Variants in ZNF808 observed in about 807,000 individuals in gnomAD.
ZNF808 encodes zinc finger protein 808.
Under a neutral mutation model 8.7 loss-of-function variants are expected in ZNF808, and 5 were observed. The ratio of observed to expected loss-of-function variants is 0.58; its 90% CI spans 0.30 to 1.21. The LOEUF is 1.21. Ranked by LOEUF, ZNF808 falls within the 50% of genes most tolerant of loss-of-function variation. The probability of loss-of-function intolerance (pLI) is 0.07; values close to 1 mark genes in which losing one functional copy is unlikely to be tolerated. For missense variants in ZNF808, 1,103 were observed against 1,098.4 expected (o/e 1.00, Z -0.06); for synonymous variants, 380 against 366.0 (o/e 1.04, Z -0.44).
At chr19:52,540,466 C>G (rs1363808029) in intron 2 of ZNF808, among the ~76,000 whole-genome samples, 1 of 152,178 alleles carries the variant, frequency 6.6e-6, no homozygotes, top group Non-Finnish European at 1.5e-5. Context: ...TATCATATAT[C>G]GAAAACATTT....
intron 2 of ZNF808, among the ~76,000 whole-genome samples, chr19:52,542,966 G>GT (rs2059686248): frequency 1.3e-5 from 2 of 151,472 alleles, no homozygotes; most frequent in South Asian, 4.2e-4. Flanking sequence ...TTTGGGGGGG[G>GT]GGTGGAGGCT....
chr19:52,565,737 A>G (rs938255562), downstream of ZNF808, among the ~76,000 whole-genome samples: 1 of 152,226 alleles, frequency 6.6e-6, no homozygotes, highest in Non-Finnish European at 1.5e-5. Context: ...AGACTCAAAC[A>G]ATGTGATCAT....
intron 2 of ZNF808, among the ~76,000 whole-genome samples, chr19:52,540,991 A>G (rs192096444): frequency 3.1e-3 from 475 of 152,154 alleles, no homozygotes; most frequent in Non-Finnish European, 4.8e-3. Flanking sequence ...TCGCTCTGTC[A>G]CCCAGGCTGG....
intron 1 of ZNF808, among the ~76,000 whole-genome samples, chr19:52,532,558 A>G (rs1053518130): frequency 6.6e-6 from 1 of 152,208 alleles, no homozygotes; most frequent in Non-Finnish European, 1.5e-5. Flanking sequence ...TTGTGTAAAT[A>G]TGAAGGATCT....
At chr19:52,530,047 G>T (rs190855605) in intron 1 of ZNF808, among the ~76,000 whole-genome samples, 2 of 151,782 alleles carry the variant, frequency 1.3e-5, no homozygotes, top group Admixed American at 6.6e-5. Flanking sequence ...GGCCCACCGC[G>T]TCTGGCCTAC....
downstream of ZNF808, among the ~76,000 whole-genome samples, chr19:52,564,999 T>C (rs2059869628): frequency 6.6e-6 from 1 of 152,062 alleles, no homozygotes. Context: ...GCAGGGAGAA[T>C]GGCGTGAACC....
chr19:52,528,328 C>A (rs767873546), intron 1 of ZNF808, among the ~76,000 whole-genome samples: 1 of 152,206 alleles, frequency 6.6e-6, no homozygotes, highest in Admixed American at 6.5e-5. Flanking sequence ...ACGCGCTCCT[C>A]CGGGATGCAG....
At chr19:52,538,952 G>A (rs1380462226) in intron 2 of ZNF808, among the ~76,000 whole-genome samples, 1 of 151,956 alleles carries the variant, frequency 6.6e-6, no homozygotes, top group South Asian at 2.1e-4. Flanking sequence ...TAATGATGGC[G>A]TCAGAGGCAG....
Position 52,547,768 on chromosome 19 carries a change from G to A in ZNF808, c.190+130G>A, listed in dbSNP as rs112009804. On this transcript the variant is annotated intron_variant, in intron 4 of 4. Coordinates refer to ENST00000359798, the MANE Select transcript of ZNF808 (RefSeq NM_001039886.4). ...TTTTTTTTTTTTTTTTTGACATGGA[G>A]TTTTGCTCTTGTTTCCCAGGCTGGA... is the stretch of plus-strand genomic sequence containing the variant. 8.5e-5 allele frequency: 123 copies of A among 1,447,840 alleles called. No homozygotes were observed. In the African/African-American group the frequency reaches 1.3e-3, roughly 15 times the overall value. The allele number at this position is 1,447,840 out of a possible 1,614,324, so 89.7% of individuals were successfully genotyped here.
In ZNF808 at chr19:52,554,062, T is replaced by A; in HGVS notation, c.1146T>A (p.Cys382Ter). Residue 382 changes from cysteine (C) to a stop codon, truncating the protein, a stop_gained, in exon 5 of 5, where the codon TGT (cysteine) becomes TGA (stop). Coordinates refer to ENST00000359798, the MANE Select transcript of ZNF808 (RefSeq NM_001039886.4). LOFTEE classifies it low-confidence loss of function (END_TRUNC). ...AGATTTGTGAGAAGGCTTTTGCGTG[T>A]CATTCCTATCTGGCAAACCATACTA... Reference protein sequence around the residue: ...KCKICEKAFACHSYLANHTRI... With the variant: ...KCKICEKAFA The A allele has an allele frequency of 6.2e-7, 1 of 1,614,066 alleles. No individual in the cohort carries two copies. The highest frequency in any genetic ancestry group is 8.5e-7 in the Non-Finnish European group (1 of 1,179,978).
chr19:52,549,210 C>T (rs2059751935), intron 4 of ZNF808, among the ~76,000 whole-genome samples: 1 of 152,062 alleles, frequency 6.6e-6, no homozygotes. Flanking sequence ...GAACTCCTGA[C>T]CTCCTGATGC....
chr19:52,528,791 CAG>C (rs1196383593), intron 1 of ZNF808, among the ~76,000 whole-genome samples: 1 of 151,946 alleles, frequency 6.6e-6, no homozygotes, highest in East Asian at 1.9e-4. Context: ...GAGAATTTAA[CAG>C]GGAGAGCAGA....
chr19:52,554,238 C>T lies in ZNF808; in HGVS notation c.1322C>T (p.Thr441Ile). ...ECDKVFSQKS[T>I]LERHKRIHTG... Reference sequence around the variant, plus strand: ...GACAAAGTTTTCAGTCAGAAATCAACCCTTGAGAGACATAAGAGAATTCAT... The same window carrying T: ...GACAAAGTTTTCAGTCAGAAATCAATCCTTGAGAGACATAAGAGAATTCAT... Residue 441 changes from threonine (T) to isoleucine (I), a missense_variant, in exon 5 of 5, where the codon ACC (threonine) becomes ATC (isoleucine). Thr to Ile is a moderately conservative substitution (Grantham distance 89, BLOSUM62 -1). Transcript: ENST00000359798. 1.9e-6 allele frequency: 3 copies of T among 1,613,578 alleles called. No homozygotes were observed. The highest frequency in any genetic ancestry group is 2.5e-6 in the Non-Finnish European group (3 of 1,179,682).
At chr19:52,556,459 T>G (rs1274500278), downstream of ZNF808, 1 of 153,052 alleles carries the variant, frequency 6.5e-6, no homozygotes, top group Non-Finnish European at 1.5e-5. Flanking sequence ...CCCTAGTTGC[T>G]GGGATTACAG....
downstream of ZNF808, among the ~76,000 whole-genome samples, chr19:52,566,898 T>C (rs189624662): frequency 6.6e-6 from 1 of 151,760 alleles, no homozygotes; most frequent in Admixed American, 6.6e-5. Flanking sequence ...AATGTATGCT[T>C]CTAAGCTAAT....
intron 1 of ZNF808, among the ~76,000 whole-genome samples, chr19:52,528,785 A>AT (rs2059534377): frequency 6.6e-6 from 1 of 151,988 alleles, no homozygotes; most frequent in Non-Finnish European, 1.5e-5. Context: ...GGAAGAGAGA[A>AT]TTTAACAGGG....
At chr19:52,548,505 C>T (rs1447738379) in intron 4 of ZNF808, among the ~76,000 whole-genome samples, 2 of 152,094 alleles carry the variant, frequency 1.3e-5, no homozygotes, top group Non-Finnish European at 2.9e-5. Flanking sequence ...TCACCACAAC[C>T]TCCACCTTTT....
intron 4 of ZNF808, among the ~76,000 whole-genome samples, chr19:52,548,604 A>G (rs1239849369): frequency 1.3e-5 from 2 of 152,000 alleles, no homozygotes; most frequent in Non-Finnish European, 2.9e-5. Flanking sequence ...TGGTGGTTCT[A>G]TTACAGATGG....
In ZNF808 at chr19:52,555,181, A is replaced by G. The variant is rs763320002; in HGVS notation, c.2265A>G (p.Arg755=). The part of the protein sequence containing the change: ...SQKATLLCHR[R]LHSGEKPYKC... ...AGGCAACCCTTCTATGCCATCGTAGACTTCATAGTGGTGAGAAACCTTACA... is the reference window on the plus strand; with the variant it reads ...AGGCAACCCTTCTATGCCATCGTAGGCTTCATAGTGGTGAGAAACCTTACA... Residue 755 remains arginine (R), a synonymous_variant, in exon 5 of 5, where the codon AGA becomes AGG. Transcript: ENST00000359798. The G allele has an allele frequency of 6.2e-7, 1 of 1,613,714 alleles. No homozygotes were observed. Among genetic ancestry groups the G allele is most frequent in the Non-Finnish European group, 8.5e-7 (1 of 1,179,632 alleles).
Sources: allele counts gnomAD v4.1 joint callset (sites outside exome capture counted in the v4.1 genomes callset), GRCh38; gene constraint gnomAD v4.1.1; transcripts MANE v1.5; gene names NCBI Gene and HGNC (gene_info 2026-07-23, HGNC 2026-07-21).